ZC2HC1B: variants seen among roughly 807,000 people sequenced by gnomAD.
ZC2HC1B encodes the protein zinc finger C2HC domain-containing protein 1B.
A neutral mutation model predicts 31.0 loss-of-function variants in ZC2HC1B; 36 were observed. That is an observed-to-expected ratio of 1.16 (90% CI 0.89 to 1.54). The LOEUF (loss-of-function observed/expected upper bound fraction) is 1.54, where lower values mean the gene tolerates loss of function less well. Among genes scored for constraint, ZC2HC1B ranks in the 40% most tolerant of loss-of-function variants. The pLI is 0.00. For missense variants in ZC2HC1B, 260 were observed against 268.6 expected, an observed-to-expected ratio of 0.97 and a Z score of 0.22; for synonymous variants, 73 against 88.0, an observed-to-expected ratio of 0.83 and a Z score of 0.95.
At chr6:143,906,762 A>G (rs200652055) in intron 6 of ZC2HC1B, among the ~76,000 whole-genome samples, 4 of 123,968 alleles carry the variant, frequency 3.2e-5, no homozygotes, top group African/African-American at 1.2e-4. Flanking sequence ...TTTTTTTTTT[A>G]TTAGTCTATC....
intron 6 of ZC2HC1B, 100 bp from the exon 7 acceptor site, chr6:143,937,549 T>G: frequency 2.3e-6 from 2 of 862,006 alleles, no homozygotes; most frequent in Non-Finnish European, 1.6e-6. Flanking sequence ...AAAGGAAGAA[T>G]AGAAACTTTT....
Position 143,921,380 on chromosome 6 carries a change from T to C in ZC2HC1B, c.599-16269T>C, listed in dbSNP as rs571238054. On this transcript the variant is annotated intron_variant, in intron 6 of 7. Transcript: ENST00000237275. The surrounding 1 kb of genome is among the most constrained non-coding windows in gnomAD (Gnocchi z 6.1). Reference sequence around the variant, plus strand: ...GTTTCAAGAAAGGGGAATTCTCTACTGTATCTTTCTCTATTGTACTGGAAT... The same window carrying C: ...GTTTCAAGAAAGGGGAATTCTCTACCGTATCTTTCTCTATTGTACTGGAAT... Among the ~76,000 whole-genome samples the C allele has an allele frequency of 2.6e-5, 4 of 152,364 alleles. No individual in the cohort carries two copies. The South Asian group carries it at 8.3e-4, about 32-fold the overall frequency.
At chr6:143,907,250 A>G (rs1310672559) in intron 6 of ZC2HC1B, among the ~76,000 whole-genome samples, 1 of 152,208 alleles carries the variant, frequency 6.6e-6, no homozygotes, top group Non-Finnish European at 1.5e-5. Flanking sequence ...ATACATGTGC[A>G]TGTATCTTTA....
intron 6 of ZC2HC1B, among the ~76,000 whole-genome samples, chr6:143,925,165 C>CTTTTTTTT (rs71024879): frequency 1.9e-5 from 2 of 104,180 alleles, no homozygotes; most frequent in Non-Finnish European, 1.9e-5. Flanking sequence ...AATCTCATTC[C>CTTTTTTTT]TTTTTTTTTT....
At position 143,890,398 on chromosome 6, in the gene ZC2HC1B, CAA is replaced by C. The variant is rs35848743; in HGVS notation, c.349+3593_349+3594del. Among the ~76,000 whole-genome samples, 135 of 63,200 alleles carry C rather than the reference CAA, an allele frequency of 2.1e-3. 1 individual carries two copies. The highest frequency in any genetic ancestry group is 3.4e-3 in the South Asian group (6 of 1,740). The allele number at this position is 63,200 out of a possible 152,430, so 41.5% of individuals were successfully genotyped here. On this transcript the variant is annotated intron_variant, in intron 4 of 7. Coordinates refer to ENST00000237275, the MANE Select transcript of ZC2HC1B (RefSeq NM_001013623.3). ...CTTACATGTTAAAAACAATACAATA[CAA>C]AAAAAAAAAAAAAAACTTCTCAGCA...
intron 6 of ZC2HC1B, among the ~76,000 whole-genome samples, chr6:143,931,469 T>G (rs1000206287): frequency 6.6e-6 from 1 of 152,334 alleles, no homozygotes; most frequent in East Asian, 1.9e-4. Flanking sequence ...TTGGTGTATT[T>G]GGAGGTTTTA....
intron 1 of ZC2HC1B, among the ~76,000 whole-genome samples, chr6:143,866,036 A>G (rs1410080616): frequency 6.6e-6 from 1 of 152,154 alleles, no homozygotes; most frequent in Non-Finnish European, 1.5e-5. Context: ...GGCTGGTCTC[A>G]AAACTCTTGA....
rs369612714 is a variant in ZC2HC1B, at chr6:143,890,926, G to A, written c.349+4105G>A. 1.1e-3 allele frequency among the ~76,000 whole-genome samples: 172 copies of A among 151,408 alleles called. 2 individuals are homozygous for A. The South Asian group carries it at 0.033, about 29-fold the overall frequency. On this transcript the variant is annotated intron_variant, in intron 4 of 7. Transcript: ENST00000237275. Reference sequence around the variant, plus strand: ...AGGTGGATCACGAGGTCAGGTGTTCGAGACCAGACTGGCCAAGATGGTGAA... The same window carrying A: ...AGGTGGATCACGAGGTCAGGTGTTCAAGACCAGACTGGCCAAGATGGTGAA...
chr6:143,927,000 T>A, intron 6 of ZC2HC1B, among the ~76,000 whole-genome samples: 1 of 137,648 alleles, frequency 7.3e-6, no homozygotes, highest in Middle Eastern at 3.6e-3. Context: ...GGGTTTCACC[T>A]TGTTAGCCAG....
In ZC2HC1B at chr6:143,929,935, T is replaced by C. The variant is rs188333733; in HGVS notation, c.599-7714T>C. Among the ~76,000 whole-genome samples the C allele has an allele frequency of 1.2e-3, 182 of 152,326 alleles. 1 individual carries two copies. The highest frequency in any genetic ancestry group is 4.2e-3 in the African/African-American group (175 of 41,596). On this transcript the variant is annotated intron_variant, in intron 6 of 7. Coordinates refer to ENST00000237275, the MANE Select transcript of ZC2HC1B (RefSeq NM_001013623.3). ...TGCATTTCTGTAGTATCAGTTGTAA[T>C]GTCTCCTTTTTCTTTTCTGATTGTG...
intron 5 of ZC2HC1B, 74 bp from the exon 6 acceptor site, chr6:143,902,970 C>T: frequency 1.3e-5 from 18 of 1,377,508 alleles, no homozygotes; most frequent in Non-Finnish European, 1.7e-5. Flanking sequence ...GTGGGAACAG[C>T]TGTACCTCCT....
rs578246617 is a variant in ZC2HC1B at position 143,869,228 on chromosome 6, C to A, written c.28+4661C>A. On this transcript the variant is annotated intron_variant, in intron 1 of 7. Transcript: ENST00000237275. The surrounding 1 kb of genome is among the most constrained non-coding windows in gnomAD (Gnocchi z 5.2). ...CAGGACATGGTAATACTAAGAGACACCCTAATAGATCTCCTGTATTCCATG... is the reference window on the plus strand; with the variant it reads ...CAGGACATGGTAATACTAAGAGACAACCTAATAGATCTCCTGTATTCCATG... 2.0e-5 allele frequency among the ~76,000 whole-genome samples: 3 copies of A among 152,136 alleles called. No homozygotes were observed. The highest frequency in any genetic ancestry group is 4.4e-5 in the Non-Finnish European group (3 of 68,034).
intron 6 of ZC2HC1B, among the ~76,000 whole-genome samples, chr6:143,904,528 A>G (rs1161164399): frequency 2.0e-5 from 3 of 152,088 alleles, no homozygotes; most frequent in Non-Finnish European, 4.4e-5. Context: ...TGCCCAGATA[A>G]TTTTTAAATT....
rs1315965667 is a variant in ZC2HC1B, at chr6:143,917,625, A to C, written c.598+14473A>C. Among the ~76,000 whole-genome samples, 3 of 152,238 alleles carry C rather than the reference A, an allele frequency of 2.0e-5. No individual in the cohort carries two copies. Among genetic ancestry groups the C allele is most frequent in the African/African-American group, 7.2e-5 (3 of 41,462 alleles). ...GAATGCTCCTAATCTAAAAATCTGA[A>C]ATCTAAAATGCTCCAACATCTGAAA... On this transcript the variant is annotated intron_variant, in intron 6 of 7. Transcript: ENST00000237275. The surrounding 1 kb of genome is among the most constrained non-coding windows in gnomAD (Gnocchi z 4.1).
rs559614528 is a variant in ZC2HC1B at position 143,886,044 on chromosome 6, C to A, written c.103C>A (p.Pro35Thr). The A allele has an allele frequency of 1.8e-5, 27 of 1,534,892 alleles. No homozygotes were observed. In the African/African-American group the frequency reaches 3.6e-4, roughly 21 times the overall value. The change falls in exon 3 of 8, where the codon CCA becomes ACA. Residue 35 changes from proline (P) to threonine (T), a missense_variant. Physicochemically the swap from Pro to Thr is conservative, Grantham distance 38. Coordinates refer to ENST00000237275, the MANE Select transcript of ZC2HC1B (RefSeq NM_001013623.3). The surrounding 1 kb of genome is among the most constrained non-coding windows in gnomAD (Gnocchi z 4.2). Reference sequence around the variant, plus strand: ...CTTCGTTTTCTAGGAAAGGCATGGACCAATATGTAAGAAACTCTTCAACAG... The same window carrying A: ...CTTCGTTTTCTAGGAAAGGCATGGAACAATATGTAAGAAACTCTTCAACAG... Reference protein sequence around the residue: ...FAADVLERHGPICKKLFNRKR... With the variant: ...FAADVLERHGTICKKLFNRKR...
In ZC2HC1B at chr6:143,886,075, G is replaced by C. The variant is rs779338043; in HGVS notation, c.134G>C (p.Arg45Pro). Residue 45 changes from arginine to proline, a missense_variant, in exon 3 of 8, where the codon CGT becomes CCT. Transcript: ENST00000237275. This position sits in a 1 kb window ranked among gnomAD's most constrained non-coding sequence, Gnocchi z 4.2. ...TGTAAGAAACTCTTCAACAGAAAGC[G>C]TAAACCTTTCAGTTCTTTGAAGCAA... Reference protein sequence around the residue: ...PICKKLFNRKRKPFSSLKQRL... With the variant: ...PICKKLFNRKPKPFSSLKQRL... The C allele has an allele frequency of 1.3e-6, 2 of 1,548,276 alleles. No individual in the cohort carries two copies. The highest frequency in any genetic ancestry group is 1.7e-6 in the Non-Finnish European group (2 of 1,145,906).
chr6:143,884,159 G>A lies in ZC2HC1B; in HGVS notation c.29-145G>A. The A allele has an allele frequency of 1.7e-6, 1 of 605,706 alleles. No individual in the cohort carries two copies. Among genetic ancestry groups the A allele is most frequent in the South Asian group, 3.1e-5 (1 of 32,140 alleles). 37.5% of individuals were successfully genotyped at this position (605,706 alleles called of 1,614,324 possible). A position where few individuals can be genotyped will look rare whatever the true frequency, so the allele number is the denominator to read the frequency against. Reference sequence around the variant, plus strand: ...ACACAGGTGAGTTTAGTTTACACAGGGTCTTCCCAAAGGGAAGAAGCAGTT... The same window carrying A: ...ACACAGGTGAGTTTAGTTTACACAGAGTCTTCCCAAAGGGAAGAAGCAGTT... On this transcript the variant is annotated intron_variant, in intron 1 of 7. Coordinates refer to ENST00000237275, the MANE Select transcript of ZC2HC1B (RefSeq NM_001013623.3). The surrounding 1 kb of genome is among the most constrained non-coding windows in gnomAD (Gnocchi z 5.1).
At chr6:143,879,268 C>T (rs1278674460) in intron 1 of ZC2HC1B, among the ~76,000 whole-genome samples, 3 of 152,166 alleles carry the variant, frequency 2.0e-5, no homozygotes, top group Non-Finnish European at 2.9e-5. Flanking sequence ...GTTACAATGT[C>T]TATTAGCTTT....
At chr6:143,866,384 A>G (rs78480719) in intron 1 of ZC2HC1B, among the ~76,000 whole-genome samples, 8,785 of 152,286 alleles carry the variant, frequency 0.058, 269 homozygotes, top group African/African-American at 0.086. Context: ...AGAGTTATCA[A>G]TTTGCCCTCG....
Sources: allele counts gnomAD v4.1 joint callset (sites outside exome capture counted in the v4.1 genomes callset), GRCh38; gene constraint gnomAD v4.1.1; non-coding constraint Gnocchi (gnomAD v3.1); transcripts MANE v1.5; gene names NCBI Gene and HGNC (gene_info 2026-07-23, HGNC 2026-07-21).